The following ACSF2 variants were observed in gnomAD, a reference collection of about 807,000 sequenced individuals.
ACSF2 encodes the protein acyl-CoA synthetase family member 2.
Under a neutral mutation model 79.3 loss-of-function variants are expected in ACSF2, and 52 were observed. The observed-to-expected ratio is 0.66, with a 90% confidence interval of 0.53 to 0.83. ACSF2 has a LOEUF of 0.83. Ranked by LOEUF, ACSF2 falls within the 40% of genes least tolerant of loss-of-function variation. The pLI, the probability that ACSF2 is intolerant of heterozygous loss-of-function variation, is 0.00. For missense variants in ACSF2, 661 were observed against 803.3 expected (o/e 0.82, Z 2.14); for synonymous variants, 283 against 312.6 (o/e 0.91, Z 1.00).
chr17:50,455,320 G>A (rs1482891318), intron 1 of ACSF2, among the ~76,000 whole-genome samples: 1 of 152,100 alleles, frequency 6.6e-6, no homozygotes, highest in Non-Finnish European at 1.5e-5. Flanking sequence ...GTGAGCTTTA[G>A]AAAGGAGAAA....
chr17:50,447,621 GT>G, intron 1 of ACSF2, among the ~76,000 whole-genome samples: 1 of 152,114 alleles, frequency 6.6e-6, no homozygotes, highest in South Asian at 2.1e-4. Flanking sequence ...CATACAAAGA[GT>G]TTTTTTCTTT....
chr17:50,468,594 T>C (rs781544892), intron 10 of ACSF2: 3 of 1,614,188 alleles, frequency 1.9e-6, no homozygotes, highest in South Asian at 2.2e-5. Context: ...AGGTTCGGCA[T>C]GGCCCGGAAC....
intron 1 of ACSF2, among the ~76,000 whole-genome samples, chr17:50,456,546 A>G (rs1406188679): frequency 6.6e-6 from 1 of 151,920 alleles, no homozygotes; most frequent in Non-Finnish European, 1.5e-5. Flanking sequence ...CAGCCTGACC[A>G]ACATGGAGAA....
At chr17:50,461,036 G>T in intron 2 of ACSF2, 164 bp downstream of exon 2, 2 of 1,106,974 alleles carry the variant, frequency 1.8e-6, no homozygotes, top group Non-Finnish European at 2.6e-6. Context: ...GACGCACAAG[G>T]GGTCCAATGC....
chr17:50,451,369 G>C (rs1233789814), intron 1 of ACSF2, among the ~76,000 whole-genome samples: 1 of 152,186 alleles, frequency 6.6e-6, no homozygotes, highest in African/African-American at 2.4e-5. Flanking sequence ...CCAAGCAGCT[G>C]AATCATTTTA....
chr17:50,464,776 G>GGGC lies in ACSF2; in HGVS notation c.1215+484_1215+485insCGG, dbSNP rs796126022. 23 of 332,260 alleles carry GGGC rather than the reference G, an allele frequency of 6.9e-5. 2 individuals are homozygous for GGGC. The highest frequency in any genetic ancestry group is 9.4e-5 in the Non-Finnish European group (16 of 169,322). 20.6% of individuals were successfully genotyped at this position (332,260 alleles called of 1,614,324 possible). ...TTGTGGTTCTGATTGACTTGGGGGGGGGGTCTCAGCAACAGCTTCTCCAAG... is the reference window on the plus strand; with the variant it reads ...TTGTGGTTCTGATTGACTTGGGGGGGGGCGGGTCTCAGCAACAGCTTCTCCAAG... On this transcript the variant is annotated intron_variant, in intron 10 of 15. Transcript: ENST00000300441.
At chr17:50,432,764 C>T (rs142119295) in intron 1 of ACSF2, among the ~76,000 whole-genome samples, 7 of 152,302 alleles carry the variant, frequency 4.6e-5, no homozygotes, top group Admixed American at 2.0e-4. Flanking sequence ...CCAGTCCTAC[C>T]AGTCCTAACT....
At chr17:50,456,019 C>G (rs1017353268) in intron 1 of ACSF2, among the ~76,000 whole-genome samples, 1 of 152,154 alleles carries the variant, frequency 6.6e-6, no homozygotes, top group African/African-American at 2.4e-5. Flanking sequence ...ATTTGTTCCT[C>G]CCAGAAACTG....
At chr17:50,445,884 A>C (rs2031268160) in intron 1 of ACSF2, among the ~76,000 whole-genome samples, 1 of 152,128 alleles carries the variant, frequency 6.6e-6, no homozygotes. Flanking sequence ...ATTCTAAATG[A>C]ACAACTATGC....
At chr17:50,469,181 T>A (rs1160120253) in intron 10 of ACSF2, 1 of 288,602 alleles carries the variant, frequency 3.5e-6, no homozygotes, top group Non-Finnish European at 5.2e-6. Flanking sequence ...GGAATAGTTA[T>A]GTCTGGAGCC....
At chr17:50,451,483 C>T (rs1412382552) in intron 1 of ACSF2, among the ~76,000 whole-genome samples, 1 of 152,016 alleles carries the variant, frequency 6.6e-6, no homozygotes, top group African/African-American at 2.4e-5. Context: ...GAGTTTTGCT[C>T]TTGTCACCCA....
intron 1 of ACSF2, chr17:50,460,437 A>G (rs2032260717): frequency 3.6e-6 from 2 of 555,494 alleles, no homozygotes; most frequent in Non-Finnish European, 6.5e-6. Flanking sequence ...CGGGAAGGCG[A>G]AGGAGGGCCC....
chr17:50,466,263 A>AT (rs35638929), intron 10 of ACSF2, among the ~76,000 whole-genome samples: 35,998 of 150,878 alleles, frequency 0.24, 4,788 homozygotes, highest in Middle Eastern at 0.31. Context: ...ATTTTTTTGT[A>AT]TTTTTTTAGT....
At chr17:50,443,173 G>A (rs1215644777) in intron 1 of ACSF2, among the ~76,000 whole-genome samples, 1 of 152,162 alleles carries the variant, frequency 6.6e-6, no homozygotes, top group Non-Finnish European at 1.5e-5. Flanking sequence ...CTCCCAAAGT[G>A]CTGGGATTAC....
chr17:50,462,874 T>C, intron 6 of ACSF2: 2 of 578,290 alleles, frequency 3.5e-6, no homozygotes, highest in Non-Finnish European at 6.1e-6. Flanking sequence ...ATTTAGCTGA[T>C]GAGGAATCAG....
Position 50,463,785 on chromosome 17 carries a change from C to T in ACSF2, c.1047-33C>T, listed in dbSNP as rs745364524. 26 of 1,601,692 alleles carry T rather than the reference C, an allele frequency of 1.6e-5. No individual in the cohort carries two copies. The South Asian group carries it at 2.8e-4, about 17-fold the overall frequency. Reference sequence around the variant, plus strand: ...GAGAACAGGGAGTTCCCTTCCACTTCCAAGCCTAATTTCGAGACCTCCTCC... The same window carrying T: ...GAGAACAGGGAGTTCCCTTCCACTTTCAAGCCTAATTTCGAGACCTCCTCC... On this transcript the variant is annotated intron_variant, in intron 8 of 15. Coordinates refer to ENST00000300441, the MANE Select transcript of ACSF2 (RefSeq NM_025149.6). The surrounding 1 kb of genome is among the most constrained non-coding windows in gnomAD (Gnocchi z 4.6).
intron 1 of ACSF2, among the ~76,000 whole-genome samples, chr17:50,458,840 A>G (rs759529173): frequency 6.6e-6 from 1 of 152,212 alleles, no homozygotes; most frequent in Non-Finnish European, 1.5e-5. Flanking sequence ...GGGACAGACA[A>G]TGGGCCTCAG....
chr17:50,427,222 A>G (rs1195692726), intron 1 of ACSF2, among the ~76,000 whole-genome samples: 1 of 152,164 alleles, frequency 6.6e-6, no homozygotes, highest in Non-Finnish European at 1.5e-5. Flanking sequence ...GTGGGCCTGG[A>G]CATGGAAAAG....
intron 1 of ACSF2, among the ~76,000 whole-genome samples, chr17:50,431,483 G>A (rs796443523): frequency 6.6e-6 from 1 of 152,212 alleles, no homozygotes; most frequent in Non-Finnish European, 1.5e-5. Context: ...TCCCTGAAAG[G>A]TTAGGTCTGC....
Sources: allele counts gnomAD v4.1 joint callset (sites outside exome capture counted in the v4.1 genomes callset), GRCh38; gene constraint gnomAD v4.1.1; non-coding constraint Gnocchi (gnomAD v3.1); transcripts MANE v1.5; gene names NCBI Gene and HGNC (gene_info 2026-07-23, HGNC 2026-07-21).